The following IFT25 variants were observed in gnomAD, a reference collection of about 807,000 sequenced individuals.
IFT25 encodes intraflagellar transport protein 25 homolog.
At chr1:53,912,788 G>A in the IFT25 span, among the ~76,000 whole-genome samples, 1 of 152,122 alleles carries the variant, frequency 6.6e-6, no homozygotes, top group South Asian at 2.1e-4. Flanking sequence ...TCTCAAACTT[G>A]GGCATGCAAC....
At chr1:53,911,816 G>A in the IFT25 span, among the ~76,000 whole-genome samples, 358 of 152,266 alleles carry the variant, frequency 2.4e-3, 1 homozygote, top group Non-Finnish European at 3.5e-3. Flanking sequence ...CTATAAAACA[G>A]GGTATCAATA....
At chr1:53,929,560 T>C in the IFT25 span, 1 of 152,676 alleles carries the variant, frequency 6.5e-6, no homozygotes, top group African/African-American at 2.4e-5. Flanking sequence ...ATTATCCCCC[T>C]AAATTCCTGA....
At chr1:53,943,896 A>G in the IFT25 span, among the ~76,000 whole-genome samples, 5 of 152,196 alleles carry the variant, frequency 3.3e-5, no homozygotes, top group African/African-American at 1.2e-4. Context: ...TGCTGGGATT[A>G]CAGAAGCTAG....
the IFT25 span, among the ~76,000 whole-genome samples, chr1:53,919,874 C>T: frequency 3.3e-5 from 5 of 151,910 alleles, no homozygotes; most frequent in African/African-American, 9.7e-5. Flanking sequence ...ACTGAAGCCA[C>T]GATCTTCTGG....
the IFT25 span, chr1:53,946,110 T>A: frequency 6.6e-6 from 1 of 151,150 alleles, no homozygotes; most frequent in East Asian, 2.0e-4. Context: ...AAACCACTCC[T>A]GTGCGCCTTT....
the IFT25 span, chr1:53,916,838 C>A: frequency 2.5e-6 from 1 of 396,746 alleles, no homozygotes; most frequent in South Asian, 1.3e-4. Flanking sequence ...CTACTCTTCT[C>A]CATTTAAAAT....
the IFT25 span, chr1:53,945,628 G>C: frequency 6.6e-6 from 1 of 151,796 alleles, no homozygotes; most frequent in African/African-American, 2.4e-5. Context: ...CCCACGCAGA[G>C]CGTCCCGACC....
the IFT25 span, chr1:53,939,801 A>G: frequency 1.9e-6 from 1 of 533,334 alleles, no homozygotes; most frequent in Non-Finnish European, 3.3e-6. Flanking sequence ...AAAGAAAAGG[A>G]TCAAAAACCT....
the IFT25 span, among the ~76,000 whole-genome samples, chr1:53,914,694 T>C: frequency 8.5e-4 from 129 of 152,314 alleles, no homozygotes; most frequent in African/African-American, 2.7e-3. Flanking sequence ...GTTTAAAACT[T>C]TGATGTACAC....
At chr1:53,937,348 A>G in the IFT25 span, among the ~76,000 whole-genome samples, 1 of 152,006 alleles carries the variant, frequency 6.6e-6, no homozygotes, top group Admixed American at 6.6e-5. Context: ...TGAACTTCTG[A>G]CCTCAACTGA....
chr1:53,937,181 G>A, the IFT25 span, among the ~76,000 whole-genome samples: 4 of 152,280 alleles, frequency 2.6e-5, no homozygotes, highest in Non-Finnish European at 4.4e-5. Context: ...GCAGTGGCAT[G>A]ATCTCAGCTC....
the IFT25 span, among the ~76,000 whole-genome samples, chr1:53,936,894 T>C: frequency 9.9e-5 from 15 of 152,096 alleles, no homozygotes; most frequent in Non-Finnish European, 1.5e-4. Flanking sequence ...GCGGTCTTGC[T>C]ATGTTGCCCA....
chr1:53,938,626 C>A, the IFT25 span, among the ~76,000 whole-genome samples: 1 of 152,192 alleles, frequency 6.6e-6, no homozygotes, highest in Admixed American at 6.5e-5. Flanking sequence ...CCTCTTTAGA[C>A]CTCTCTTACC....
At chr1:53,942,396 A>G in the IFT25 span, among the ~76,000 whole-genome samples, 2 of 152,258 alleles carry the variant, frequency 1.3e-5, no homozygotes, top group Admixed American at 1.3e-4. Context: ...ACACACAAAA[A>G]TTACATGAAA....
At chr1:53,915,464 TA>T in the IFT25 span, among the ~76,000 whole-genome samples, 1 of 151,908 alleles carries the variant, frequency 6.6e-6, no homozygotes, top group Non-Finnish European at 1.5e-5. Context: ...TTAATATCAT[TA>T]AAAGAAAAAA....
At chr1:53,912,344 G>T in the IFT25 span, among the ~76,000 whole-genome samples, 2 of 152,186 alleles carry the variant, frequency 1.3e-5, no homozygotes, top group Admixed American at 1.3e-4. Context: ...ATCAAACATT[G>T]AGCATTGATT....
the IFT25 span, among the ~76,000 whole-genome samples, chr1:53,936,293 A>T: frequency 1.3e-5 from 2 of 151,974 alleles, no homozygotes; most frequent in South Asian, 4.2e-4. Flanking sequence ...ATCTCAAAAA[A>T]ACAAAAATTA....
At chr1:53,945,207 T>C in the IFT25 span, among the ~76,000 whole-genome samples, 1 of 152,172 alleles carries the variant, frequency 6.6e-6, no homozygotes, top group Non-Finnish European at 1.5e-5. Context: ...CCCCCGACCT[T>C]AGGTACAATT....
chr1:53,920,910 TG>T, the IFT25 span, among the ~76,000 whole-genome samples: 1 of 152,074 alleles, frequency 6.6e-6, no homozygotes, highest in Non-Finnish European at 1.5e-5. Context: ...CGGTGGCTCA[TG>T]CCTGTAATCC....
Sources: gnomAD v4.1 joint callset for allele counts (sites outside exome capture counted in the v4.1 genomes callset) on GRCh38, gnomAD v4.1.1 for gene constraint, MANE v1.5 for transcripts, NCBI Gene and HGNC (gene_info 2026-07-23, HGNC 2026-07-21) for gene names.